MT2A: variants seen among roughly 807,000 people sequenced by gnomAD.
The protein encoded by MT2A is metallothionein 2A.
Under a neutral mutation model 9.9 loss-of-function variants are expected in MT2A, and 6 were observed. The ratio of observed to expected loss-of-function variants is 0.61; its 90% CI spans 0.33 to 1.20. The LOEUF (loss-of-function observed/expected upper bound fraction) is 1.20, where lower values mean the gene tolerates loss of function less well. Ranked by LOEUF, MT2A falls within the 50% of genes most tolerant of loss-of-function variation. The probability of loss-of-function intolerance (pLI) is 0.04; values close to 1 mark genes in which losing one functional copy is unlikely to be tolerated. For missense variants in MT2A, 57 were observed against 78.2 expected (o/e 0.73, Z 1.02); for synonymous variants, 27 against 28.7 (o/e 0.94, Z 0.18).
In MT2A at chr16:56,609,415, A is replaced by G; in HGVS notation, c.*61A>G. Reference sequence around the variant, plus strand: ...CGACTTCCACAAACCTGGATTTTTTATGTACAACCCTGACCGTGACCGTTT... The same window carrying G: ...CGACTTCCACAAACCTGGATTTTTTGTGTACAACCCTGACCGTGACCGTTT... On this transcript the variant is annotated 3_prime_UTR_variant, in exon 3 of 3. Transcript: ENST00000245185. 1 of 1,599,132 alleles carries G rather than the reference A, an allele frequency of 6.3e-7. No individual in the cohort carries two copies. The highest frequency in any genetic ancestry group is 8.5e-7 in the Non-Finnish European group (1 of 1,171,220).
In MT2A at chr16:56,608,982, C is replaced by T. The variant is rs1226425446; in HGVS notation, c.29-10C>T. On this transcript the variant is annotated splice_polypyrimidine_tract_variant and intron_variant, in intron 1 of 2. Transcript: ENST00000245185. ...GGGACGGTTCTCACCTCTGTCTTTT[C>T]TCCTTGCAGGTGACTCCTGCACCTG... The T allele has an allele frequency of 1.9e-6, 3 of 1,614,136 alleles. No homozygotes were observed. The highest frequency in any genetic ancestry group is 2.5e-6 in the Non-Finnish European group (3 of 1,180,012).
Position 56,609,074 on chromosome 16 carries a change from C to T in MT2A, c.94+17C>T, listed in dbSNP as rs202180513. 2.2e-5 allele frequency: 36 copies of T among 1,614,012 alleles called. No individual in the cohort carries two copies. Among genetic ancestry groups the T allele is most frequent in the Non-Finnish European group, 2.7e-5 (32 of 1,179,988 alleles). On this transcript the variant is annotated intron_variant, in intron 2 of 2. Coordinates refer to ENST00000245185, the MANE Select transcript of MT2A (RefSeq NM_005953.5). ...GCAAGAAAAGTAAGTGGGATCCTCTCTTTCCTCTACCCCTTCCCTGTCCTC... is the reference window on the plus strand; with the variant it reads ...GCAAGAAAAGTAAGTGGGATCCTCTTTTTCCTCTACCCCTTCCCTGTCCTC...
Position 56,608,597 on chromosome 16 carries a change from C to G in MT2A, c.-59C>G. ...GCGCTGCACTCCACCACGCCTCCTC[C>G]AAGTCCCAGCGAACCCGCGTGCAAC... On this transcript the variant is annotated 5_prime_UTR_variant, in exon 1 of 3. Coordinates refer to ENST00000245185, the MANE Select transcript of MT2A (RefSeq NM_005953.5). 6.2e-7 allele frequency: 1 copy of G among 1,611,988 alleles called. No individual in the cohort carries two copies. Among genetic ancestry groups the G allele is most frequent in the Non-Finnish European group, 8.5e-7 (1 of 1,178,178 alleles).
Position 56,608,629 on chromosome 16 carries a change from C to T in MT2A, c.-27C>T. ...CAGCGAACCCGCGTGCAACCTGTCC[C>T]GACTCTAGCCGCCTCTTCAGCTCGC... is the stretch of plus-strand genomic sequence containing the variant. On this transcript the variant is annotated 5_prime_UTR_variant, in exon 1 of 3. Transcript: ENST00000245185. 1 of 1,614,180 alleles carries T rather than the reference C, an allele frequency of 6.2e-7. No individual in the cohort carries two copies. Among genetic ancestry groups the T allele is most frequent in the Non-Finnish European group, 8.5e-7 (1 of 1,180,024 alleles).
At chr16:56,609,217 C>G (rs1960004160) in intron 2 of MT2A, 46 bp from the exon 3 acceptor site, 1 of 1,613,530 alleles carries the variant, frequency 6.2e-7, no homozygotes. Flanking sequence ...ATCCTTATTC[C>G]CGGTGTCGCT....
chr16:56,609,486 G>C lies in MT2A; in HGVS notation c.*132G>C, dbSNP rs1424593992. On this transcript the variant is annotated 3_prime_UTR_variant, in exon 3 of 3. Coordinates refer to ENST00000245185, the MANE Select transcript of MT2A (RefSeq NM_005953.5). ...AAATAATGTGAATGATAATAAAACA[G>C]CTTTGACTTGATTCTGTCTCTGGTT... The C allele has an allele frequency of 2.4e-6, 3 of 1,249,472 alleles. No individual in the cohort carries two copies. Among genetic ancestry groups the C allele is most frequent in the African/African-American group, 1.5e-5 (1 of 65,734 alleles). The allele number at this position is 1,249,472 out of a possible 1,614,324, so 77.4% of individuals were successfully genotyped here.
chr16:56,609,094 G>C, intron 2 of MT2A, 37 bp downstream of exon 2: 1 of 1,613,314 alleles, frequency 6.2e-7, no homozygotes, highest in South Asian at 1.1e-5. Context: ...CCCCTTCCCT[G>C]TCCTCCAGCC....
chr16:56,608,718 C>A, intron 1 of MT2A, 35 bp downstream of exon 1: 1 of 1,613,856 alleles, frequency 6.2e-7, no homozygotes, highest in South Asian at 1.1e-5. Flanking sequence ...TAGACTGTAG[C>A]GCTAGAGAAG....
rs1284710700 is a variant in MT2A at position 56,608,975 on chromosome 16, G to A, written c.29-17G>A. 1 of 1,614,048 alleles carries A rather than the reference G, an allele frequency of 6.2e-7. No homozygotes were observed. Among genetic ancestry groups the A allele is most frequent in the South Asian group, 1.1e-5 (1 of 91,086 alleles). ...GTATCCAGGGACGGTTCTCACCTCT[G>A]TCTTTTCTCCTTGCAGGTGACTCCT... On this transcript the variant is annotated splice_polypyrimidine_tract_variant and intron_variant, in intron 1 of 2. Coordinates refer to ENST00000245185, the MANE Select transcript of MT2A (RefSeq NM_005953.5).
intron 1 of MT2A, 42 bp from the exon 2 acceptor site, chr16:56,608,950 G>A (rs1597058755): frequency 6.2e-7 from 1 of 1,601,530 alleles, no homozygotes; most frequent in Non-Finnish European, 8.6e-7. Flanking sequence ...CCTTGTTCAG[G>A]TATCCAGGGA....
chr16:56,608,909 G>C lies in MT2A; in HGVS notation c.29-83G>C. Reference sequence around the variant, plus strand: ...TCCCAGGAATCGGTTGTGGACTGAGGAACTCGGCCCCGGGCTCTTAGTACG... The same window carrying C: ...TCCCAGGAATCGGTTGTGGACTGAGCAACTCGGCCCCGGGCTCTTAGTACG... On this transcript the variant is annotated intron_variant, in intron 1 of 2. Coordinates refer to ENST00000245185, the MANE Select transcript of MT2A (RefSeq NM_005953.5). 2.0e-6 allele frequency: 3 copies of C among 1,513,452 alleles called. No homozygotes were observed. In the South Asian group the frequency reaches 3.4e-5, roughly 17 times the overall value. 93.8% of individuals were successfully genotyped at this position (1,513,452 alleles called of 1,614,324 possible). A position where few individuals can be genotyped will look rare whatever the true frequency, so the allele number is the denominator to read the frequency against.
chr16:56,608,930 G>A (rs1959998742), intron 1 of MT2A, 62 bp from the exon 2 acceptor site: 37 of 1,591,190 alleles, frequency 2.3e-5, no homozygotes, highest in Non-Finnish European at 2.9e-5. Flanking sequence ...CGGGCTCTTA[G>A]TACGCCGTCC....
At chr16:56,608,751 T>A in intron 1 of MT2A, 68 bp downstream of exon 1, 1 of 1,602,592 alleles carries the variant, frequency 6.2e-7, no homozygotes, top group South Asian at 1.1e-5. Flanking sequence ...CCTCTTTCTT[T>A]CTCTGGTCAC....
rs1209995635 is a variant in MT2A at position 56,609,255 on chromosome 16, GC to G, written c.95-3del. On this transcript the variant is annotated splice_polypyrimidine_tract_variant and splice_region_variant and intron_variant, in intron 2 of 2. Coordinates refer to ENST00000245185, the MANE Select transcript of MT2A (RefSeq NM_005953.5). Reference sequence around the variant, plus strand: ...TACTCATCTCTGCCGCCTCCTGTCTGCCCCCAGGCTGCTGCTCCTGCTGCCC... The same window carrying G: ...TACTCATCTCTGCCGCCTCCTGTCTGCCCCAGGCTGCTGCTCCTGCTGCCC... The G allele has an allele frequency of 6.2e-7, 1 of 1,614,112 alleles. No homozygotes were observed. The highest frequency in any genetic ancestry group is 1.3e-5 in the African/African-American group (1 of 75,034).
At position 56,609,005 on chromosome 16, in the gene MT2A, C is replaced by A. The variant is rs1959999922; in HGVS notation, c.42C>A (p.Thr14=). 1 of 1,614,200 alleles carries A rather than the reference C, an allele frequency of 6.2e-7. No individual in the cohort carries two copies. The highest frequency in any genetic ancestry group is 2.2e-5 in the East Asian group (1 of 44,882). ...TTCTCCTTGCAGGTGACTCCTGCAC[C>A]TGCGCCGGCTCCTGCAAATGCAAAG... is the stretch of plus-strand genomic sequence containing the variant. ...NCSCAAGDSC[T]CAGSCKCKEC... is the part of the protein sequence containing the mutation. The change falls in exon 2 of 3, where the codon ACC becomes ACA. Residue 14 remains threonine, a synonymous_variant. Transcript: ENST00000245185.
chr16:56,608,789 C>G (rs993176777), intron 1 of MT2A, 106 bp downstream of exon 1: 48 of 1,515,742 alleles, frequency 3.2e-5, no homozygotes, highest in Non-Finnish European at 4.2e-5. Flanking sequence ...GTTGCTCCTT[C>G]CCAAAGAGTT....
In MT2A at chr16:56,609,428, A is replaced by T; in HGVS notation, c.*74A>T. On this transcript the variant is annotated 3_prime_UTR_variant, in exon 3 of 3. Coordinates refer to ENST00000245185, the MANE Select transcript of MT2A (RefSeq NM_005953.5). ...CCTGGATTTTTTATGTACAACCCTG[A>T]CCGTGACCGTTTGCTATATTCCTTT... 1.3e-6 allele frequency: 2 copies of T among 1,541,344 alleles called. No homozygotes were observed. The highest frequency in any genetic ancestry group is 1.8e-6 in the Non-Finnish European group (2 of 1,136,474).
In MT2A at chr16:56,609,311, G is replaced by C; in HGVS notation, c.143G>C (p.Cys48Ser). Reference protein sequence around the residue: ...PVGCAKCAQGCICKGASDKCS... With the variant: ...PVGCAKCAQGSICKGASDKCS... ...GGCTGTGCCAAGTGTGCCCAGGGCT[G>C]CATCTGCAAAGGGGCGTCGGACAAG... The change falls in exon 3 of 3, where the codon TGC (cysteine) becomes TCC (serine). Residue 48 changes from cysteine to serine, a missense_variant. Physicochemically the swap from Cys to Ser is moderately radical, Grantham distance 112 (BLOSUM62 -1). Coordinates refer to ENST00000245185, the MANE Select transcript of MT2A (RefSeq NM_005953.5). 1 of 1,614,242 alleles carries C rather than the reference G, an allele frequency of 6.2e-7. No homozygotes were observed. Among genetic ancestry groups the C allele is most frequent in the Non-Finnish European group, 8.5e-7 (1 of 1,180,048 alleles).
rs775941407 is a variant in MT2A at position 56,609,213 on chromosome 16, A to G, written c.95-50A>G. On this transcript the variant is annotated intron_variant, in intron 2 of 2. Coordinates refer to ENST00000245185, the MANE Select transcript of MT2A (RefSeq NM_005953.5). ...CTTATCAGGGAGAGCAGGAATCCTTATTCCCGGTGTCGCTAGTACTCATCT... is the reference window on the plus strand; with the variant it reads ...CTTATCAGGGAGAGCAGGAATCCTTGTTCCCGGTGTCGCTAGTACTCATCT... 9 of 1,613,592 alleles carry G rather than the reference A, an allele frequency of 5.6e-6. No homozygotes were observed. In the African/African-American group the frequency reaches 1.1e-4, roughly 19 times the overall value.
Sources: gnomAD v4.1 joint callset for allele counts on GRCh38, gnomAD v4.1.1 for gene constraint, MANE v1.5 for transcripts, NCBI Gene and HGNC (gene_info 2026-07-23, HGNC 2026-07-21) for gene names.